The following LYSMD2 variants were observed in gnomAD, a reference collection of about 807,000 sequenced individuals.
LYSMD2 encodes LysM domain containing 2, also known as lysM and putative peptidoglycan-binding domain-containing protein 2.
Under a neutral mutation model 17.7 loss-of-function variants are expected in LYSMD2, and 6 were observed. The observed-to-expected ratio is 0.34, with a 90% confidence interval of 0.19 to 0.67. The LOEUF (loss-of-function observed/expected upper bound fraction) is 0.67, where lower values mean the gene tolerates loss of function less well. Among genes scored for constraint, LYSMD2 ranks in the 30% least tolerant of loss-of-function variants. The probability of loss-of-function intolerance (pLI) is 0.69; values close to 1 mark genes in which losing one functional copy is unlikely to be tolerated. For missense variants in LYSMD2, 237 were observed against 286.7 expected, an observed-to-expected ratio of 0.83 and a Z score of 1.25; for synonymous variants, 102 against 129.8, an observed-to-expected ratio of 0.79 and a Z score of 1.45.
At chr15:51,745,559 T>A (rs1418456412) in intron 1 of LYSMD2, among the ~76,000 whole-genome samples, 2 of 152,124 alleles carry the variant, frequency 1.3e-5, no homozygotes, top group Non-Finnish European at 2.9e-5. Context: ...CCTTTTGTTA[T>A]AAGAACATTC....
intron 1 of LYSMD2, among the ~76,000 whole-genome samples, chr15:51,728,550 A>G (rs1183330714): frequency 2.0e-5 from 3 of 152,106 alleles, no homozygotes; most frequent in Non-Finnish European, 4.4e-5. Context: ...ATGAGAAGGA[A>G]GAAGGTAGAA....
chr15:51,742,895 G>A (rs781736671), intron 1 of LYSMD2, among the ~76,000 whole-genome samples: 21 of 152,146 alleles, frequency 1.4e-4, no homozygotes, highest in Non-Finnish European at 2.4e-4. Context: ...CCAGGAGTTC[G>A]AGGCTGCAGT....
intron 1 of LYSMD2, among the ~76,000 whole-genome samples, chr15:51,750,727 G>T (rs1166593362): frequency 6.6e-6 from 1 of 152,094 alleles, no homozygotes; most frequent in Admixed American, 6.5e-5. Context: ...ACCCCACTCT[G>T]CTGTCATGCT....
chr15:51,747,038 A>AT, intron 1 of LYSMD2, among the ~76,000 whole-genome samples: 1 of 150,404 alleles, frequency 6.6e-6, no homozygotes, highest in South Asian at 2.1e-4. Flanking sequence ...AAAAAAAAAA[A>AT]AAAATACGAA....
chr15:51,747,375 C>T (rs1335151426), intron 1 of LYSMD2, among the ~76,000 whole-genome samples: 4 of 152,072 alleles, frequency 2.6e-5, no homozygotes, highest in Non-Finnish European at 5.9e-5. Context: ...CCTGTAATCC[C>T]AGCTACCTGG....
chr15:51,728,010 G>T (rs1041792340), intron 1 of LYSMD2, among the ~76,000 whole-genome samples: 1 of 152,188 alleles, frequency 6.6e-6, no homozygotes, highest in African/African-American at 2.4e-5. Flanking sequence ...CATACTTTCT[G>T]AGTTCACATC....
chr15:51,728,053 G>A (rs574159627), intron 1 of LYSMD2, among the ~76,000 whole-genome samples: 2 of 152,164 alleles, frequency 1.3e-5, no homozygotes, highest in South Asian at 2.1e-4. Context: ...ATTCCCTGTC[G>A]GTTTACTTAT....
intron 1 of LYSMD2, among the ~76,000 whole-genome samples, chr15:51,746,608 T>A (rs1237397264): frequency 1.3e-5 from 2 of 152,264 alleles, no homozygotes; most frequent in East Asian, 1.9e-4. Context: ...ATTTATGATA[T>A]GTGAAATATG....
At chr15:51,750,937 C>T (rs1032614920) in intron 1 of LYSMD2, among the ~76,000 whole-genome samples, 3 of 152,314 alleles carry the variant, frequency 2.0e-5, no homozygotes, top group African/African-American at 7.2e-5. Context: ...CCCAAGAACT[C>T]CCTCGGAAAC....
At chr15:51,743,691 A>T (rs1336646554) in intron 1 of LYSMD2, among the ~76,000 whole-genome samples, 2 of 152,250 alleles carry the variant, frequency 1.3e-5, no homozygotes, top group East Asian at 3.8e-4. Flanking sequence ...GCATTGAATC[A>T]ATAGATCAAA....
chr15:51,744,347 T>A (rs2055656936), intron 1 of LYSMD2, among the ~76,000 whole-genome samples: 1 of 152,270 alleles, frequency 6.6e-6, no homozygotes, highest in Non-Finnish European at 1.5e-5. Context: ...CTTTTTAGTA[T>A]GAATGGATGT....
Position 51,751,286 on chromosome 15 carries a change from A to G in LYSMD2, c.-16T>C, listed in dbSNP as rs1251853543. 2.3e-5 allele frequency: 16 copies of G among 702,460 alleles called. No individual in the cohort carries two copies. The Admixed American group carries it at 3.0e-4, about 13-fold the overall frequency. 43.5% of individuals were successfully genotyped at this position (702,460 alleles called of 1,614,324 possible). On this transcript the variant is annotated 5_prime_UTR_variant, in exon 1 of 3. Transcript: ENST00000454181. ...GGGTCTGTACCTGAGACCGCTCTCA[A>G]CGCGGCTTCCGTGTCAGGATGCTCG...
chr15:51,748,010 C>A (rs759258681), intron 1 of LYSMD2, among the ~76,000 whole-genome samples: 2 of 152,038 alleles, frequency 1.3e-5, no homozygotes, highest in African/African-American at 4.8e-5. Context: ...CGGTGGCTCA[C>A]GCCTGTGATC....
At chr15:51,749,940 A>G (rs2055689132) in intron 1 of LYSMD2, among the ~76,000 whole-genome samples, 1 of 152,212 alleles carries the variant, frequency 6.6e-6, no homozygotes, top group Non-Finnish European at 1.5e-5. Context: ...GTCCATTACC[A>G]CAATTGATCA....
chr15:51,747,017 TAAAAAAA>T (rs1050919768), intron 1 of LYSMD2, among the ~76,000 whole-genome samples: 968 of 65,792 alleles, frequency 0.015, 18 homozygotes, highest in African/African-American at 0.051. Context: ...CTGTCTCTAC[TAAAAAAA>T]AAAAAAAAAA....
At chr15:51,750,230 T>A (rs1298997160) in intron 1 of LYSMD2, among the ~76,000 whole-genome samples, 1 of 152,240 alleles carries the variant, frequency 6.6e-6, no homozygotes, top group Non-Finnish European at 1.5e-5. Context: ...ACCTTCACTC[T>A]GCCTGTCTCA....
chr15:51,725,060 G>A lies in LYSMD2; in HGVS notation c.335C>T (p.Thr112Ile), dbSNP rs1391858632. 2.5e-6 allele frequency: 4 copies of A among 1,613,016 alleles called. No homozygotes were observed. Among genetic ancestry groups the A allele is most frequent in the Admixed American group, 1.7e-5 (1 of 59,978 alleles). ...FTNDCIFLKK[T>I]LNIPVISEKP... is the part of the protein sequence containing the mutation. ...CTCTGATATAACTGGGATGTTCAAAGTTTTCTTCAGAAATATACAATCATT... is the reference window on the plus strand; with the variant it reads ...CTCTGATATAACTGGGATGTTCAAAATTTTCTTCAGAAATATACAATCATT... Residue 112 changes from threonine (T) to isoleucine (I), a missense_variant, in exon 2 of 3, where the codon ACT becomes ATT. Physicochemically the swap from Thr to Ile is moderately conservative, Grantham distance 89. Transcript: ENST00000267838.
chr15:51,725,806 G>C (rs1321803110), intron 1 of LYSMD2, among the ~76,000 whole-genome samples: 2 of 152,078 alleles, frequency 1.3e-5, no homozygotes, highest in African/African-American at 4.8e-5. Context: ...GCAGTGGATG[G>C]TACTTACTAC....
intron 1 of LYSMD2, among the ~76,000 whole-genome samples, chr15:51,727,384 C>T (rs1403001900): frequency 3.3e-5 from 5 of 152,224 alleles, no homozygotes; most frequent in Non-Finnish European, 7.3e-5. Flanking sequence ...AGATCCAAGG[C>T]TCCAGATCTT....
Sources: allele counts gnomAD v4.1 joint callset (sites outside exome capture counted in the v4.1 genomes callset), GRCh38; gene constraint gnomAD v4.1.1; transcripts MANE v1.5; gene names NCBI Gene and HGNC (gene_info 2026-07-23, HGNC 2026-07-21).